CNTN4: variants seen among roughly 807,000 people sequenced by gnomAD.
The protein encoded by CNTN4 is contactin 4, also known as contactin-4.
CNTN4 carries 77 observed loss-of-function variants against 122.5 expected under a neutral mutation model. That is an observed-to-expected ratio of 0.63 (90% CI 0.52 to 0.76). CNTN4 has a LOEUF of 0.76. CNTN4 is among the 30% of genes least tolerant of loss of function. The pLI, the probability that CNTN4 is intolerant of heterozygous loss-of-function variation, is 0.00. For missense variants in CNTN4, 1,256 were observed against 1,259.1 expected, an observed-to-expected ratio of 1.00 and a Z score of 0.04; for synonymous variants, 512 against 447.0, an observed-to-expected ratio of 1.15 and a Z score of -1.83.
chr3:2,543,056 T>C (rs940910656), intron 3 of CNTN4, among the ~76,000 whole-genome samples: 2 of 152,144 alleles, frequency 1.3e-5, no homozygotes, highest in African/African-American at 4.8e-5. Context: ...GGACATGCCA[T>C]AGGATGGACC....
chr3:2,738,552 T>A (rs1402268035), intron 5 of CNTN4, among the ~76,000 whole-genome samples: 2 of 151,990 alleles, frequency 1.3e-5, no homozygotes. Flanking sequence ...GTAAAGCAAA[T>A]GGTAAATGTT....
chr3:2,627,737 C>G (rs529813920), intron 4 of CNTN4, among the ~76,000 whole-genome samples: 1 of 152,072 alleles, frequency 6.6e-6, no homozygotes, highest in Non-Finnish European at 1.5e-5. Flanking sequence ...TTGTGATCTG[C>G]CCGCCTCGGC....
intron 6 of CNTN4, among the ~76,000 whole-genome samples, chr3:2,795,457 T>TA: frequency 6.6e-6 from 1 of 152,184 alleles, no homozygotes; most frequent in East Asian, 1.9e-4. Context: ...TCTATTCTGT[T>TA]AAATGGTGAG....
intron 17 of CNTN4, 116 bp from the exon 18 acceptor site, chr3:3,037,063 C>G: frequency 8.3e-7 from 1 of 1,200,192 alleles, no homozygotes; most frequent in Non-Finnish European, 1.2e-6. Flanking sequence ...AACACCTACA[C>G]TGCCCTGAAT....
At chr3:2,790,015 A>G (rs1311807405) in intron 6 of CNTN4, among the ~76,000 whole-genome samples, 1 of 152,232 alleles carries the variant, frequency 6.6e-6, no homozygotes, top group Non-Finnish European at 1.5e-5. Context: ...AATAGCAGCA[A>G]TTGCCATTTA....
chr3:2,920,778 A>G (rs1442084899), intron 12 of CNTN4, among the ~76,000 whole-genome samples: 2 of 149,802 alleles, frequency 1.3e-5, no homozygotes, highest in Non-Finnish European at 3.0e-5. Context: ...AATCCTCAAA[A>G]TAATCTCATG....
chr3:2,328,816 C>T lies in CNTN4; in HGVS notation c.-144-10362C>T, dbSNP rs75755433. ...CAGGAGTCACATGTAAATACGACAT[C>T]ACTTTATATAAGGGACCCCAGCATC... On this transcript the variant is annotated intron_variant, in intron 2 of 24. Coordinates refer to ENST00000418658, the MANE Select transcript of CNTN4 (RefSeq NM_175607.3). 5.5e-4 allele frequency among the ~76,000 whole-genome samples: 84 copies of T among 152,122 alleles called. No individual in the cohort carries two copies. The East Asian group carries it at 0.016, about 29-fold the overall frequency.
chr3:2,235,411 A>G (rs2039643445), intron 2 of CNTN4, among the ~76,000 whole-genome samples: 1 of 152,208 alleles, frequency 6.6e-6, no homozygotes, highest in South Asian at 2.1e-4. Context: ...AACATGCTAC[A>G]GTAAATATTT....
At chr3:3,050,695 G>A (rs371901081) in intron 23 of CNTN4, among the ~76,000 whole-genome samples, 18 of 145,102 alleles carry the variant, frequency 1.2e-4, no homozygotes, top group Admixed American at 2.9e-4. Context: ...CCCGGGAGGC[G>A]GAGGTTGTAG....
At chr3:2,885,347 C>T (rs531954844) in intron 9 of CNTN4, among the ~76,000 whole-genome samples, 3 of 152,150 alleles carry the variant, frequency 2.0e-5, no homozygotes, top group Admixed American at 2.0e-4. Context: ...CTTGAGAGTA[C>T]ATAAAGACCT....
intron 6 of CNTN4, among the ~76,000 whole-genome samples, chr3:2,776,885 C>T (rs751917783): frequency 1.3e-5 from 2 of 152,138 alleles, no homozygotes; most frequent in African/African-American, 2.4e-5. Context: ...GTATACGATG[C>T]AGAGACTCTG....
rs116277039 is a variant in CNTN4 at position 2,178,665 on chromosome 3, T to C, written c.-145+78026T>C. 9.5e-3 allele frequency among the ~76,000 whole-genome samples: 1,450 copies of C among 152,178 alleles called. 24 individuals carry two copies. Among genetic ancestry groups the C allele is most frequent in the African/African-American group, 0.033 (1,356 of 41,534 alleles). On this transcript the variant is annotated intron_variant, in intron 2 of 24. Transcript: ENST00000418658. ...AGTTCTAGACTGGAAATGAGGAGAA[T>C]TGAAATTCTATAGGCCCATCACTCA...
intron 3 of CNTN4, among the ~76,000 whole-genome samples, chr3:2,529,554 C>T (rs2077520541): frequency 2.0e-5 from 3 of 152,080 alleles, no homozygotes; most frequent in Admixed American, 2.0e-4. Flanking sequence ...ATTTGTAATA[C>T]ATGTATTACT....
intron 4 of CNTN4, among the ~76,000 whole-genome samples, chr3:2,634,676 G>GAAA (rs10655083): frequency 4.2e-4 from 56 of 134,646 alleles, no homozygotes; most frequent in African/African-American, 1.1e-3. Flanking sequence ...TAAAAATACA[G>GAAA]AAAAAAAAAA....
intron 3 of CNTN4, among the ~76,000 whole-genome samples, chr3:2,376,945 C>G (rs1214461541): frequency 2.6e-5 from 4 of 151,938 alleles, no homozygotes; most frequent in Non-Finnish European, 5.9e-5. Flanking sequence ...ATCACGAAGT[C>G]AAAAGATCGA....
intron 4 of CNTN4, among the ~76,000 whole-genome samples, chr3:2,720,972 TTG>T (rs1459206426): frequency 2.6e-5 from 4 of 152,040 alleles, no homozygotes; most frequent in African/African-American, 4.8e-5. Flanking sequence ...TATTCTTTTT[TTG>T]TTTGTTTGTT....
At chr3:2,777,494 C>A (rs989858079) in intron 6 of CNTN4, among the ~76,000 whole-genome samples, 3 of 152,196 alleles carry the variant, frequency 2.0e-5, no homozygotes, top group African/African-American at 7.2e-5. Flanking sequence ...ACCCATCCAA[C>A]ATCAGGTCAA....
At chr3:3,026,980 CT>C (rs1343879481) in intron 15 of CNTN4, among the ~76,000 whole-genome samples, 1 of 152,112 alleles carries the variant, frequency 6.6e-6, no homozygotes, top group Non-Finnish European at 1.5e-5. Context: ...TGGACTCCGG[CT>C]GCCATTTTTA....
intron 2 of CNTN4, among the ~76,000 whole-genome samples, chr3:2,327,582 T>A (rs1426770964): frequency 1.3e-5 from 2 of 152,184 alleles, no homozygotes; most frequent in Non-Finnish European, 2.9e-5. Context: ...CAAAAATGTG[T>A]CATGGTATAC....
Sources: gnomAD v4.1 joint callset for allele counts (sites outside exome capture counted in the v4.1 genomes callset) on GRCh38, gnomAD v4.1.1 for gene constraint, MANE v1.5 for transcripts, NCBI Gene and HGNC (gene_info 2026-07-23, HGNC 2026-07-21) for gene names.